CAST: variants seen among roughly 807,000 people sequenced by gnomAD.
The protein encoded by CAST is MIR583 host.
A neutral mutation model predicts 119.6 loss-of-function variants in CAST; 76 were observed. The ratio of observed to expected loss-of-function variants is 0.64; its 90% CI spans 0.53 to 0.77. The LOEUF (loss-of-function observed/expected upper bound fraction) is 0.77, where lower values mean the gene tolerates loss of function less well. Ranked by LOEUF, CAST falls within the 30% of genes least tolerant of loss-of-function variation. The pLI is 0.00. For missense variants in CAST, 953 were observed against 946.5 expected (o/e 1.01, Z -0.09); for synonymous variants, 319 against 331.6 (o/e 0.96, Z 0.41).
At chr5:96,502,639 T>TCTTC in the CAST span, among the ~76,000 whole-genome samples, 1 of 151,148 alleles carries the variant, frequency 6.6e-6, no homozygotes, top group African/African-American at 2.4e-5. Context: ...TTTCTTTCTT[T>TCTTC]CTTTCTTTCT....
chr5:96,756,297 ACTTAG>A (rs1766313867), intron 22 of CAST, among the ~76,000 whole-genome samples: 1 of 152,142 alleles, frequency 6.6e-6, no homozygotes, highest in Admixed American at 6.5e-5. Context: ...CCCAGGCATC[ACTTAG>A]GAAATTTTCT....
chr5:96,141,528 G>A, the CAST span, among the ~76,000 whole-genome samples: 2 of 152,156 alleles, frequency 1.3e-5, no homozygotes, highest in African/African-American at 2.4e-5. Context: ...ATTCCCAGAT[G>A]GGTGGGGTAT....
At chr5:96,449,579 G>A in the CAST span, among the ~76,000 whole-genome samples, 1 of 152,136 alleles carries the variant, frequency 6.6e-6, no homozygotes, top group Non-Finnish European at 1.5e-5. Flanking sequence ...CACTCCTGAG[G>A]TATATAATTG....
In CAST at chr5:96,599,706, G is replaced by A. The variant is rs149863984; in HGVS notation, c.60+69826G>A. On this transcript the variant is annotated intron_variant, in intron 1 of 11. Coordinates refer to the CAST transcript ENST00000505143. ...TGGAAATCCACCCCCCTCCATAGGC[G>A]CCCCACTACCAACTCTGATTAATTC... Among the ~76,000 whole-genome samples the A allele has an allele frequency of 3.2e-3, 485 of 151,974 alleles. 5 individuals are homozygous for A. The highest frequency in any genetic ancestry group is 0.011 in the African/African-American group (457 of 41,426).
chr5:96,771,255 T>A (rs1772204580), intron 30 of CAST, among the ~76,000 whole-genome samples: 1 of 152,188 alleles, frequency 6.6e-6, no homozygotes, highest in South Asian at 2.1e-4. Flanking sequence ...ATCAGCCCTT[T>A]AACAAATAAT....
At chr5:96,038,453 T>C in the CAST span, among the ~76,000 whole-genome samples, 1 of 152,052 alleles carries the variant, frequency 6.6e-6, no homozygotes, top group South Asian at 2.1e-4. Context: ...ACACGTGCCA[T>C]GGTAGTTTGC....
In CAST at chr5:96,750,591, C is replaced by G. The variant is rs1230227647; in HGVS notation, c.1433C>G (p.Ser478Cys). Residue 478 changes from serine to cysteine, a missense_variant, in exon 20 of 32, where the codon TCT becomes TGT. Ser to Cys is a moderately radical substitution (Grantham distance 112). Transcript: ENST00000675179. ...PSKPTEKTEE[S>C]KAAAPAPVSE... ...AGTACTTGTGTCTTTCCTCAGGAAT[C>G]TAAGGCCGCTGCTCCAGCTCCTGTG... 6.2e-7 allele frequency: 1 copy of G among 1,610,692 alleles called. No homozygotes were observed. The highest frequency in any genetic ancestry group is 1.1e-5 in the South Asian group (1 of 91,022).
At chr5:96,438,443 A>G in the CAST span, among the ~76,000 whole-genome samples, 2 of 152,186 alleles carry the variant, frequency 1.3e-5, no homozygotes, top group Non-Finnish European at 2.9e-5. Context: ...CCAGTATTCA[A>G]TTAAGACTCC....
chr5:96,277,050 G>T, the CAST span, among the ~76,000 whole-genome samples: 2 of 152,158 alleles, frequency 1.3e-5, no homozygotes, highest in Admixed American at 6.5e-5. Flanking sequence ...GTATTCCATT[G>T]TATAAATAAA....
chr5:96,671,544 G>C (rs1042469620), intron 1 of CAST, among the ~76,000 whole-genome samples: 1 of 152,144 alleles, frequency 6.6e-6, no homozygotes, highest in African/African-American at 2.4e-5. Context: ...TCGCTGTTCA[G>C]ATCTTCAGTT....
chr5:96,045,351 C>G, the CAST span, among the ~76,000 whole-genome samples: 2 of 143,758 alleles, frequency 1.4e-5, no homozygotes, highest in Non-Finnish European at 3.0e-5. Flanking sequence ...GAAACTCTGT[C>G]TCAAGAAAAA....
chr5:96,354,762 C>T, the CAST span, among the ~76,000 whole-genome samples: 16 of 148,840 alleles, frequency 1.1e-4, no homozygotes, highest in East Asian at 3.9e-4. Flanking sequence ...TATATATTTA[C>T]GTATATATTT....
the CAST span, among the ~76,000 whole-genome samples, chr5:96,279,304 G>A: frequency 6.6e-6 from 1 of 152,132 alleles, no homozygotes; most frequent in Non-Finnish European, 1.5e-5. Context: ...TCTTGCCAGG[G>A]AAATGTGTCC....
the CAST span, among the ~76,000 whole-genome samples, chr5:96,461,933 C>A: frequency 6.6e-6 from 1 of 152,166 alleles, no homozygotes; most frequent in East Asian, 1.9e-4. Context: ...GCTCACTAAC[C>A]AAACAGAGCA....
chr5:95,971,100 T>G, the CAST span, among the ~76,000 whole-genome samples: 1 of 152,182 alleles, frequency 6.6e-6, no homozygotes, highest in Non-Finnish European at 1.5e-5. Context: ...AAGCCAAGCA[T>G]CATGATTTAG....
chr5:96,080,323 A>G, the CAST span, among the ~76,000 whole-genome samples: 2 of 152,210 alleles, frequency 1.3e-5, no homozygotes, highest in Non-Finnish European at 2.9e-5. Context: ...TCTCTTTTAA[A>G]AATATTAATG....
chr5:96,260,815 C>A, the CAST span, among the ~76,000 whole-genome samples: 2 of 152,202 alleles, frequency 1.3e-5, no homozygotes, highest in African/African-American at 4.8e-5. Flanking sequence ...CATAGCTCTT[C>A]CGTGTTGCTT....
At chr5:95,984,019 T>C in the CAST span, among the ~76,000 whole-genome samples, 12 of 152,186 alleles carry the variant, frequency 7.9e-5, no homozygotes, top group African/African-American at 2.9e-4. Flanking sequence ...TGCAAACCTA[T>C]ACTCCTGCCC....
At position 96,676,608 on chromosome 5, in the gene CAST, T is replaced by A. The variant is rs373275924; in HGVS notation, c.138+1007T>A. ...CTTACCAAGCAAGTTTTTAGTGAAT[T>A]TTTTATAGCCATGAAAGGCAAATGT... On this transcript the variant is annotated intron_variant, in intron 2 of 31. Transcript: ENST00000675179. Among the ~76,000 whole-genome samples the A allele has an allele frequency of 8.4e-4, 128 of 152,228 alleles. 1 individual carries two copies. In the South Asian group the frequency reaches 0.024, roughly 29 times the overall value.
Sources: gnomAD v4.1 joint callset for allele counts (sites outside exome capture counted in the v4.1 genomes callset) on GRCh38, gnomAD v4.1.1 for gene constraint, MANE v1.5 for transcripts, NCBI Gene and HGNC (gene_info 2026-07-23, HGNC 2026-07-21) for gene names.